The following LRTM1 variants were observed in gnomAD, a reference collection of about 807,000 sequenced individuals.
LRTM1 encodes leucine rich repeat transmembrane protein 1, also known as leucine-rich repeat and transmembrane domain-containing protein 1.
Under a neutral mutation model 32.4 loss-of-function variants are expected in LRTM1, and 38 were observed. The ratio of observed to expected loss-of-function variants is 1.17; its 90% CI spans 0.91 to 1.54. The LOEUF is 1.54. LRTM1 is among the 40% of genes most tolerant of loss of function. The pLI is 0.00. For synonymous variants in LRTM1, 186 were observed against 169.9 expected (o/e 1.09, Z -0.74); for missense variants, 466 against 415.4 (o/e 1.12, Z -1.06).
At chr3:54,938,138 G>T (rs1271308597) in intron 1 of LRTM1, among the ~76,000 whole-genome samples, 1 of 152,194 alleles carries the variant, frequency 6.6e-6, no homozygotes, top group Non-Finnish European at 1.5e-5. Flanking sequence ...AGGGGCAGCA[G>T]AATGGCAGAG....
At chr3:54,933,672 A>G (rs976063847) in intron 1 of LRTM1, among the ~76,000 whole-genome samples, 7 of 152,188 alleles carry the variant, frequency 4.6e-5, no homozygotes, top group African/African-American at 1.7e-4. Flanking sequence ...TTAAGTTTCA[A>G]ATGACCTGTT....
At chr3:54,943,057 C>G (rs1332592698) in intron 1 of LRTM1, among the ~76,000 whole-genome samples, 1 of 151,762 alleles carries the variant, frequency 6.6e-6, no homozygotes, top group East Asian at 1.9e-4. Context: ...TCAAAATTAA[C>G]CATGTGTGGT....
chr3:54,963,306 T>G (rs12498130), intron 1 of LRTM1, among the ~76,000 whole-genome samples: 7 of 151,872 alleles, frequency 4.6e-5, no homozygotes, highest in Non-Finnish European at 1.0e-4. Context: ...TGGAGAATTG[T>G]ACCTTCCATC....
At chr3:54,942,483 T>C (rs1701497567) in intron 1 of LRTM1, among the ~76,000 whole-genome samples, 1 of 152,208 alleles carries the variant, frequency 6.6e-6, no homozygotes, top group African/African-American at 2.4e-5. Flanking sequence ...AATCTGCTGA[T>C]TATATGCTCC....
intron 1 of LRTM1, among the ~76,000 whole-genome samples, chr3:54,954,371 G>C (rs1025006003): frequency 3.3e-5 from 5 of 152,224 alleles, no homozygotes; most frequent in Non-Finnish European, 5.9e-5. Flanking sequence ...GCAGGGCTTA[G>C]AGCAGGGATG....
intron 1 of LRTM1, among the ~76,000 whole-genome samples, chr3:54,965,967 A>G (rs777849984): frequency 6.6e-6 from 1 of 152,084 alleles, no homozygotes; most frequent in Non-Finnish European, 1.5e-5. Flanking sequence ...AATGGGATGG[A>G]GGGACTGACT....
At chr3:54,937,343 A>G (rs908449788) in intron 1 of LRTM1, among the ~76,000 whole-genome samples, 15 of 152,174 alleles carry the variant, frequency 9.9e-5, no homozygotes, top group African/African-American at 3.6e-4. Flanking sequence ...AATTCATTAT[A>G]CCACTATGCA....
intron 2 of LRTM1, 80 bp from the exon 3 acceptor site, chr3:54,918,972 G>C (rs1431736659): frequency 8.3e-7 from 1 of 1,207,604 alleles, no homozygotes; most frequent in African/African-American, 1.6e-5. Flanking sequence ...CAAAAACTTA[G>C]GCAGATGGAA....
At chr3:54,957,898 C>A (rs1701941064) in intron 1 of LRTM1, among the ~76,000 whole-genome samples, 1 of 152,218 alleles carries the variant, frequency 6.6e-6, no homozygotes, top group African/African-American at 2.4e-5. Context: ...ATCCTTCCCT[C>A]CCCTGCTGAG....
chr3:54,963,308 C>G (rs1194597921), intron 1 of LRTM1, among the ~76,000 whole-genome samples: 1 of 152,048 alleles, frequency 6.6e-6, no homozygotes, highest in Non-Finnish European at 1.5e-5. Flanking sequence ...GAGAATTGTA[C>G]CTTCCATCCT....
chr3:54,931,613 A>G (rs896218214), upstream of LRTM1, among the ~76,000 whole-genome samples: 7 of 152,202 alleles, frequency 4.6e-5, no homozygotes, highest in African/African-American at 1.7e-4. Context: ...AAGACCTGCC[A>G]GGACCCCAGG....
chr3:54,957,472 T>C (rs556525476), intron 1 of LRTM1, among the ~76,000 whole-genome samples: 4 of 152,190 alleles, frequency 2.6e-5, no homozygotes, highest in Admixed American at 6.5e-5. Context: ...CATCATGGAA[T>C]AAGTCTTAGG....
At position 54,918,860 on chromosome 3, in the gene LRTM1, G is replaced by T; in HGVS notation, c.637C>A (p.Pro213Thr). ...GLTDGIICES[P>T]DTWKGKDLLR... is the part of the protein sequence containing the mutation. ...AGGTCCTTTCCCTTCCAGGTGTCTGGTGATTCACAGATGATGCCGTCTGTT... is the reference window on the plus strand; with the variant it reads ...AGGTCCTTTCCCTTCCAGGTGTCTGTTGATTCACAGATGATGCCGTCTGTT... The change falls in exon 3 of 3, where the codon CCA (proline) becomes ACA (threonine). Residue 213 changes from proline to threonine, a missense_variant. Coordinates refer to ENST00000273286, the MANE Select transcript of LRTM1 (RefSeq NM_020678.4). The T allele has an allele frequency of 6.4e-7, 1 of 1,562,358 alleles. No individual in the cohort carries two copies.
rs768755844 is a variant in LRTM1 at position 54,925,154 on chromosome 3, G to A, written c.69C>T (p.Asp23=). Residue 23 remains aspartate, a synonymous_variant, in exon 2 of 3, where the codon GAC becomes GAT. Transcript: ENST00000273286. ...VLLQVVCSCP[D]KCYCQSSTNF... is the part of the protein sequence containing the mutation. ...TTGTAGATGACTGACAGTAACACTT[G>A]TCCGGGCAGCTGCATACCACCTGGA... 6.2e-7 allele frequency: 1 copy of A among 1,614,120 alleles called. No homozygotes were observed. The highest frequency in any genetic ancestry group is 1.7e-5 in the Admixed American group (1 of 60,008).
At chr3:54,934,610 C>G (rs1008728763) in intron 1 of LRTM1, among the ~76,000 whole-genome samples, 1 of 152,202 alleles carries the variant, frequency 6.6e-6, no homozygotes, top group African/African-American at 2.4e-5. Flanking sequence ...CAAAATCTTT[C>G]TTTTCAGCAT....
chr3:54,922,274 C>G (rs6445709), intron 2 of LRTM1, among the ~76,000 whole-genome samples: 101,155 of 151,624 alleles, frequency 0.67, 34,427 homozygotes, highest in African/African-American at 0.79. Context: ...GAGTAGGGCA[C>G]ATTTCATCCC....
chr3:54,951,580 C>G (rs1190565276), intron 1 of LRTM1, among the ~76,000 whole-genome samples: 1 of 152,216 alleles, frequency 6.6e-6, no homozygotes, highest in African/African-American at 2.4e-5. Flanking sequence ...CGCAGCCCCA[C>G]TGAGAACCAC....
intron 1 of LRTM1, among the ~76,000 whole-genome samples, chr3:54,952,566 G>C (rs1240210531): frequency 6.6e-6 from 1 of 152,192 alleles, no homozygotes; most frequent in Non-Finnish European, 1.5e-5. Context: ...TATAGGGACA[G>C]GGTCATTAAA....
chr3:54,939,126 A>G (rs767851254), intron 1 of LRTM1, among the ~76,000 whole-genome samples: 3 of 152,212 alleles, frequency 2.0e-5, no homozygotes, highest in Non-Finnish European at 4.4e-5. Flanking sequence ...TGTTGGACAC[A>G]GTGCATCCTT....
Sources: gnomAD v4.1 joint callset for allele counts (sites outside exome capture counted in the v4.1 genomes callset) on GRCh38, gnomAD v4.1.1 for gene constraint, MANE v1.5 for transcripts, NCBI Gene and HGNC (gene_info 2026-07-23, HGNC 2026-07-21) for gene names.